The following TP63 variants were observed in gnomAD, a reference collection of about 807,000 sequenced individuals.
The protein encoded by TP63 is tumor protein p63, also known as tumor protein 63.
In TP63, 17 loss-of-function variants were observed where a neutral mutation model predicts 82.8. That is an observed-to-expected ratio of 0.21 (90% confidence interval 0.14 to 0.31). The LOEUF is 0.31. Among genes scored for constraint, TP63 ranks in the 10% least tolerant of loss-of-function variants. TP63 has a pLI of 1.00. For synonymous variants in TP63, 330 were observed against 321.7 expected, an observed-to-expected ratio of 1.03 and a Z score of -0.28; for missense variants, 648 against 895.3, an observed-to-expected ratio of 0.72 and a Z score of 3.52.
chr3:189,774,215 C>G (rs1185163035), intron 3 of TP63, among the ~76,000 whole-genome samples: 2 of 152,138 alleles, frequency 1.3e-5, no homozygotes, highest in African/African-American at 4.8e-5. Context: ...AGCCACCACG[C>G]CCGGCCGTAT....
At chr3:189,652,579 T>C (rs890755171) in intron 1 of TP63, among the ~76,000 whole-genome samples, 3 of 146,930 alleles carry the variant, frequency 2.0e-5, no homozygotes, top group African/African-American at 7.7e-5. Context: ...GTTAAGACTT[T>C]GGAGGACTGT....
chr3:189,607,156 C>T, the TP63 span, among the ~76,000 whole-genome samples: 1 of 152,156 alleles, frequency 6.6e-6, no homozygotes, highest in African/African-American at 2.4e-5. Flanking sequence ...GAGGCTCTGT[C>T]ATTGGGGAAT....
At chr3:189,889,617 A>T in intron 12 of TP63, 133 bp downstream of exon 12, 1 of 1,226,314 alleles carries the variant, frequency 8.2e-7, no homozygotes, top group Non-Finnish European at 1.2e-6. Flanking sequence ...AGTCACTATT[A>T]TCTCTGATCT....
At position 189,889,417 on chromosome 3, in the gene TP63, C is replaced by T. The variant is rs576082435; in HGVS notation, c.1585C>T (p.Leu529Phe). The change falls in exon 12 of 14, where the codon CTC becomes TTC. Residue 529 changes from leucine to phenylalanine, a missense_variant. Physicochemically the swap from Leu to Phe is conservative, Grantham distance 22. This residue lies in a region of TP63 where 342 missense variants were observed against 425.7 expected (regional missense o/e 0.80). Coordinates refer to ENST00000264731, the MANE Select transcript of TP63 (RefSeq NM_003722.5). ...LSPTQALPPP[L>F]SMPSTSHCTP... ...CCCCACCCAGGCACTCCCTCCCCCA[C>T]TCTCCATGCCATCCACCTCCCACTG... 3 of 1,614,118 alleles carry T rather than the reference C, an allele frequency of 1.9e-6. No individual in the cohort carries two copies. The highest frequency in any genetic ancestry group is 4.5e-5 in the East Asian group (2 of 44,860).
intron 4 of TP63, among the ~76,000 whole-genome samples, chr3:189,856,331 A>G (rs1191884080): frequency 2.0e-5 from 3 of 151,784 alleles, no homozygotes; most frequent in Non-Finnish European, 4.4e-5. Flanking sequence ...TTTAAAAGAA[A>G]TGCTTCACAT....
chr3:189,889,984 A>C (rs1297808207), intron 12 of TP63, among the ~76,000 whole-genome samples: 1 of 152,178 alleles, frequency 6.6e-6, no homozygotes, highest in African/African-American at 2.4e-5. Context: ...TACTCTGCCT[A>C]TGGGAAATGG....
chr3:189,750,501 T>C (rs1721727974), intron 3 of TP63, among the ~76,000 whole-genome samples: 1 of 152,200 alleles, frequency 6.6e-6, no homozygotes, highest in Admixed American at 6.5e-5. Context: ...ATAGAAATGA[T>C]AAATACTCAA....
intron 1 of TP63, among the ~76,000 whole-genome samples, chr3:189,724,323 C>A (rs1719612472): frequency 6.6e-6 from 1 of 151,938 alleles, no homozygotes; most frequent in Non-Finnish European, 1.5e-5. Flanking sequence ...ATATTTAATT[C>A]TTAATAATGA....
At chr3:189,663,839 A>ACC (rs1714145610) in intron 1 of TP63, among the ~76,000 whole-genome samples, 1 of 151,852 alleles carries the variant, frequency 6.6e-6, no homozygotes, top group Non-Finnish European at 1.5e-5. Flanking sequence ...GAGCCACCGC[A>ACC]CCCAGCCATT....
intron 4 of TP63, among the ~76,000 whole-genome samples, chr3:189,841,290 T>C (rs1714076079): frequency 6.6e-6 from 1 of 152,234 alleles, no homozygotes; most frequent in African/African-American, 2.4e-5. Context: ...AGAAAGGGAA[T>C]ACAGGTGACT....
At chr3:189,622,621 A>G in the TP63 span, among the ~76,000 whole-genome samples, 1 of 152,150 alleles carries the variant, frequency 6.6e-6, no homozygotes, top group African/African-American at 2.4e-5. Context: ...ATTTATCTTT[A>G]TTTTCCTAAA....
At chr3:189,866,828 A>C in intron 6 of TP63, 31 bp downstream of exon 6, 1 of 1,566,636 alleles carries the variant, frequency 6.4e-7, no homozygotes, top group Non-Finnish European at 8.8e-7. Flanking sequence ...CCAAAAAACA[A>C]CACCTCTATG....
chr3:189,736,799 C>G (rs1386556547), intron 1 of TP63, among the ~76,000 whole-genome samples: 1 of 152,032 alleles, frequency 6.6e-6, no homozygotes, highest in Non-Finnish European at 1.5e-5. Flanking sequence ...AGATGATTGA[C>G]TATCCTCATA....
chr3:189,620,618 G>C, the TP63 span, among the ~76,000 whole-genome samples: 1 of 151,570 alleles, frequency 6.6e-6, no homozygotes, highest in Non-Finnish European at 1.5e-5. Context: ...AGGAAGATTT[G>C]TCCAGGCTAA....
At position 189,651,460 on chromosome 3, in the gene TP63, C is replaced by T. The variant is rs772137553; in HGVS notation, c.62+19883C>T. ...ACTTAGGAGGCTGAATCAGGAGAATCGGTTGAACCCAGGAGGCAGAGGTTG... is the reference window on the plus strand; with the variant it reads ...ACTTAGGAGGCTGAATCAGGAGAATTGGTTGAACCCAGGAGGCAGAGGTTG... On this transcript the variant is annotated intron_variant, in intron 1 of 13. Coordinates refer to ENST00000264731, the MANE Select transcript of TP63 (RefSeq NM_003722.5). Among the ~76,000 whole-genome samples, 3 of 144,828 alleles carry T rather than the reference C, an allele frequency of 2.1e-5. 1 individual carries two copies. Among genetic ancestry groups the T allele is most frequent in the Non-Finnish European group, 3.0e-5 (2 of 66,948 alleles).
chr3:189,657,958 T>G (rs1713536929), intron 1 of TP63, among the ~76,000 whole-genome samples: 1 of 152,060 alleles, frequency 6.6e-6, no homozygotes, highest in Non-Finnish European at 1.5e-5. Flanking sequence ...AGAATTTGAT[T>G]TCTAATACTA....
chr3:189,627,774 G>C (rs1729352076), upstream of TP63, among the ~76,000 whole-genome samples: 1 of 152,082 alleles, frequency 6.6e-6, no homozygotes, highest in Admixed American at 6.6e-5. Flanking sequence ...GAAAGTTTTG[G>C]GGTAATAGGG....
At chr3:189,817,670 C>T (rs1039167991) in intron 4 of TP63, among the ~76,000 whole-genome samples, 2 of 151,852 alleles carry the variant, frequency 1.3e-5, no homozygotes, top group Non-Finnish European at 2.9e-5. Flanking sequence ...TCTACAAAGA[C>T]ATGAAATAAA....
At chr3:189,694,092 C>G (rs9840152) in intron 1 of TP63, among the ~76,000 whole-genome samples, 117,231 of 152,098 alleles carry the variant, frequency 0.77, 45,808 homozygotes, top group East Asian at 0.92. Flanking sequence ...GACTATTAAA[C>G]AGCGGAACAG....
Sources: gnomAD v4.1 joint callset for allele counts (sites outside exome capture counted in the v4.1 genomes callset) on GRCh38, gnomAD v4.1.1 for gene constraint, gnomAD v4.1.1 regional missense constraint, MANE v1.5 for transcripts, NCBI Gene and HGNC (gene_info 2026-07-23, HGNC 2026-07-21) for gene names.